Variants in SLC14A2 observed in about 807,000 individuals in gnomAD.
SLC14A2 encodes urea transporter 2.
Under a neutral mutation model 104.6 loss-of-function variants are expected in SLC14A2, and 91 were observed. That is an observed-to-expected ratio of 0.87 (90% CI 0.73 to 1.04). The LOEUF is 1.04. SLC14A2 is among the 50% of genes least tolerant of loss of function. The pLI, the probability that SLC14A2 is intolerant of heterozygous loss-of-function variation, is 0.00. For synonymous variants in SLC14A2, 476 were observed against 466.4 expected (o/e 1.02, Z -0.27); for missense variants, 1,189 against 1,156.0 (o/e 1.03, Z -0.41).
chr18:45,345,192 A>G (rs1290444807), intron 1 of SLC14A2, among the ~76,000 whole-genome samples: 1 of 152,232 alleles, frequency 6.6e-6, no homozygotes, highest in African/African-American at 2.4e-5. Flanking sequence ...CTGTCTGGCC[A>G]GGAAGTGAAT....
At chr18:45,564,423 A>T (rs1489854613) in intron 2 of SLC14A2, among the ~76,000 whole-genome samples, 1 of 152,176 alleles carries the variant, frequency 6.6e-6, no homozygotes, top group Non-Finnish European at 1.5e-5. Context: ...AAGACAGAGG[A>T]TGTCTGCACA....
rs535879339 is a variant in SLC14A2, at chr18:45,411,991, G to T, written c.-124-71242G>T. On this transcript the variant is annotated intron_variant, in intron 1 of 20. Coordinates refer to the SLC14A2 transcript ENST00000586448. ...CCCAACCAAGAAAAAGTCTGAATCC[G>T]TCCATAGGATTCCTTTCTCCTTCCA... Among the ~76,000 whole-genome samples the T allele has an allele frequency of 3.3e-5, 5 of 152,214 alleles. No individual in the cohort carries two copies. The South Asian group carries it at 1.0e-3, about 32-fold the overall frequency.
At chr18:45,551,761 C>T (rs1263798461) in intron 2 of SLC14A2, among the ~76,000 whole-genome samples, 13 of 152,180 alleles carry the variant, frequency 8.5e-5, no homozygotes, top group Admixed American at 8.5e-4. Flanking sequence ...CTAGTGGCTA[C>T]AAATGTTGAT....
intron 1 of SLC14A2, among the ~76,000 whole-genome samples, chr18:45,469,641 TGG>T (rs1483530724): frequency 6.6e-6 from 1 of 152,034 alleles, no homozygotes; most frequent in Non-Finnish European, 1.5e-5. Context: ...CTGTGCCTGG[TGG>T]GGGTTGGAGG....
At chr18:45,641,100 GT>G in intron 7 of SLC14A2, 108 bp from the exon 8 acceptor site, 1 of 1,128,816 alleles carries the variant, frequency 8.9e-7, no homozygotes, top group Non-Finnish European at 1.3e-6. Context: ...GTTTGGAGAT[GT>G]GGGGTGAACA....
chr18:45,212,947 T>C (rs1599576875), upstream of SLC14A2: 1 of 152,568 alleles, frequency 6.6e-6, no homozygotes, highest in South Asian at 2.1e-4. Flanking sequence ...TTCTGCTCCA[T>C]AGTGCCTCCT....
chr18:45,663,381 A>G (rs2045962392), intron 10 of SLC14A2, among the ~76,000 whole-genome samples: 1 of 152,148 alleles, frequency 6.6e-6, no homozygotes, highest in Non-Finnish European at 1.5e-5. Flanking sequence ...GAGCTCAGGC[A>G]TTTTTTTAAA....
intron 2 of SLC14A2, among the ~76,000 whole-genome samples, chr18:45,588,639 G>A (rs1321784594): frequency 6.6e-6 from 1 of 152,200 alleles, no homozygotes; most frequent in Non-Finnish European, 1.5e-5. Flanking sequence ...GGAGAATGGG[G>A]ATACCCACGG....
chr18:45,315,120 A>C (rs530649753), intron 1 of SLC14A2, among the ~76,000 whole-genome samples: 2 of 152,306 alleles, frequency 1.3e-5, no homozygotes, highest in African/African-American at 4.8e-5. Flanking sequence ...GAAGAACTGT[A>C]TCTCACTGCA....
rs143514670 is a variant in SLC14A2, at chr18:45,269,740, A to T, written c.-125+56549A>T. ...GTTGCTATCCCAAAGAGACACCAGG[A>T]TAAAGGGGGGAACATCAGAGCATTC... is the stretch of plus-strand genomic sequence containing the variant. On this transcript the variant is annotated intron_variant, in intron 1 of 20. Transcript: ENST00000586448. Among the ~76,000 whole-genome samples the T allele has an allele frequency of 2.0e-4, 30 of 152,302 alleles. No homozygotes were observed. In the East Asian group the frequency reaches 5.4e-3, roughly 27 times the overall value.
intron 2 of SLC14A2, among the ~76,000 whole-genome samples, chr18:45,486,522 G>T (rs527354748): frequency 1.2e-4 from 19 of 152,232 alleles, no homozygotes; most frequent in African/African-American, 4.1e-4. Context: ...AAATGTATTT[G>T]CAGGTCCACT....
chr18:45,600,558 C>T (rs556654809), intron 2 of SLC14A2, among the ~76,000 whole-genome samples: 1 of 152,284 alleles, frequency 6.6e-6, no homozygotes, highest in South Asian at 2.1e-4. Context: ...GGCTAAGATG[C>T]TGCAAGGTAC....
chr18:45,198,617 A>G, the SLC14A2 span, among the ~76,000 whole-genome samples: 1 of 152,050 alleles, frequency 6.6e-6, no homozygotes, highest in East Asian at 1.9e-4. Context: ...TTTTGAATTG[A>G]TACAGTATAA....
At chr18:45,343,235 T>A (rs1234097583) in intron 1 of SLC14A2, among the ~76,000 whole-genome samples, 1 of 151,874 alleles carries the variant, frequency 6.6e-6, no homozygotes, top group Non-Finnish European at 1.5e-5. Flanking sequence ...AAGGTTGCAT[T>A]GTGTCTCTCT....
chr18:45,478,296 G>A (rs553272819), intron 1 of SLC14A2, among the ~76,000 whole-genome samples: 13 of 152,264 alleles, frequency 8.5e-5, no homozygotes, highest in Non-Finnish European at 1.2e-4. Flanking sequence ...GCTTCTGCTC[G>A]CCCTAAATGG....
chr18:45,381,584 T>C (rs2085835577), intron 1 of SLC14A2, among the ~76,000 whole-genome samples: 2 of 152,248 alleles, frequency 1.3e-5, no homozygotes, highest in Non-Finnish European at 2.9e-5. Flanking sequence ...TGCTGATGTC[T>C]TGGGCATAGT....
intron 1 of SLC14A2, among the ~76,000 whole-genome samples, chr18:45,293,377 A>G (rs1360715005): frequency 6.6e-6 from 1 of 152,198 alleles, no homozygotes; most frequent in Non-Finnish European, 1.5e-5. Flanking sequence ...TGTAATGGAC[A>G]CAACACTTGT....
chr18:45,609,494 C>T (rs1454514250), intron 2 of SLC14A2, among the ~76,000 whole-genome samples: 3 of 152,102 alleles, frequency 2.0e-5, no homozygotes, highest in African/African-American at 4.8e-5. Context: ...TAGAGCTCTC[C>T]ATTAAGGCAT....
chr18:45,230,516 G>A (rs1167257284), intron 1 of SLC14A2, among the ~76,000 whole-genome samples: 5 of 152,148 alleles, frequency 3.3e-5, no homozygotes, highest in South Asian at 2.1e-4. Context: ...TTTCTGTGAA[G>A]GAGCTGTGGG....
Sources: allele counts gnomAD v4.1 joint callset (sites outside exome capture counted in the v4.1 genomes callset), GRCh38; gene constraint gnomAD v4.1.1; transcripts MANE v1.5; gene names NCBI Gene and HGNC (gene_info 2026-07-23, HGNC 2026-07-21).